The following DOT1L variants were observed in gnomAD, a reference collection of about 807,000 sequenced individuals.
DOT1L encodes the protein DOT1 like histone lysine methyltransferase.
In DOT1L, 33 loss-of-function variants were observed where a neutral mutation model predicts 153.3. The ratio of observed to expected loss-of-function variants is 0.22; its 90% CI spans 0.16 to 0.29. The LOEUF (loss-of-function observed/expected upper bound fraction) is 0.29, where lower values mean the gene tolerates loss of function less well. Among genes scored for constraint, DOT1L ranks in the 10% least tolerant of loss-of-function variants. DOT1L has a pLI of 1.00. For synonymous variants in DOT1L, 1,135 were observed against 965.1 expected, an observed-to-expected ratio of 1.18 and a Z score of -3.26; for missense variants, 1,847 against 2,119.9, an observed-to-expected ratio of 0.87 and a Z score of 2.53.
In DOT1L at chr19:2,222,595, C is replaced by A; in HGVS notation, c.3390+36C>A. 6.7e-7 allele frequency: 1 copy of A among 1,499,344 alleles called. No individual in the cohort carries two copies. The highest frequency in any genetic ancestry group is 8.9e-7 in the Non-Finnish European group (1 of 1,128,914). 92.9% of individuals were successfully genotyped at this position (1,499,344 alleles called of 1,614,324 possible). ...GGACCGGCAGGGCTGGGGAGCGCGG[C>A]CTGTGAAAGAAAGACCAGAGGGAGA... On this transcript the variant is annotated intron_variant, in intron 24 of 27. Coordinates refer to ENST00000398665, the MANE Select transcript of DOT1L (RefSeq NM_032482.3). This position sits in a 1 kb window ranked among gnomAD's most constrained non-coding sequence, Gnocchi z 6.5.
At position 2,217,532 on chromosome 19, in the gene DOT1L, G is replaced by A. The variant is rs944210090; in HGVS notation, c.2545-240G>A. 2.6e-5 allele frequency among the ~76,000 whole-genome samples: 4 copies of A among 152,186 alleles called. No homozygotes were observed. Among genetic ancestry groups the A allele is most frequent in the African/African-American group, 9.7e-5 (4 of 41,448 alleles). On this transcript the variant is annotated intron_variant, in intron 21 of 27. Coordinates refer to ENST00000398665, the MANE Select transcript of DOT1L (RefSeq NM_032482.3). The surrounding 1 kb of genome is among the most constrained non-coding windows in gnomAD (Gnocchi z 7.3). ...CACGGGTGACTGCCCACCGAGCCGG[G>A]CGGGCAGGCTGGAGGGGACAGATGG...
intron 1 of DOT1L, among the ~76,000 whole-genome samples, chr19:2,174,699 A>G (rs1555715307): frequency 6.6e-6 from 1 of 151,608 alleles, no homozygotes; most frequent in Non-Finnish European, 1.5e-5. Flanking sequence ...AGCTCACTGC[A>G]GCCTTGAACT....
rs1345899883 is a variant in DOT1L, at chr19:2,197,978, C to T, written c.652-1906C>T. Among the ~76,000 whole-genome samples the T allele has an allele frequency of 2.6e-5, 4 of 152,350 alleles. No homozygotes were observed. The South Asian group carries it at 6.2e-4, about 24-fold the overall frequency. On this transcript the variant is annotated intron_variant, in intron 7 of 27. Transcript: ENST00000398665. This position sits in a 1 kb window ranked among gnomAD's most constrained non-coding sequence, Gnocchi z 4.1. ...CTCCACTTGGGAGGCTCCAAGTCCT[C>T]CCGCCTGAGCAGTGTCACCAGGGAG...
Position 2,210,615 on chromosome 19 carries a change from C to T in DOT1L, c.1117-6C>T, listed in dbSNP as rs1422951513. On this transcript the variant is annotated splice_region_variant and splice_polypyrimidine_tract_variant and intron_variant, in intron 13 of 27. Transcript: ENST00000398665. ...CCCATCCCTGTTCTTCCCTTGTGTCCTCCAGGACTCTGGTGCTGAGGAAGA... is the reference window on the plus strand; with the variant it reads ...CCCATCCCTGTTCTTCCCTTGTGTCTTCCAGGACTCTGGTGCTGAGGAAGA... 2.5e-6 allele frequency: 4 copies of T among 1,611,786 alleles called. No individual in the cohort carries two copies. The African/African-American group carries it at 4.0e-5, about 16-fold the overall frequency.
rs74384750 is a variant in DOT1L at position 2,190,098 on chromosome 19, C to G, written c.264+303C>G. Among the ~76,000 whole-genome samples, 3,303 of 152,276 alleles carry G rather than the reference C, an allele frequency of 0.022. 116 individuals carry two copies. Among genetic ancestry groups the G allele is most frequent in the African/African-American group, 0.075 (3,116 of 41,526 alleles). ...CTGGGTTGGTGTCCGCAGGTCCCAG[C>G]AGAGGCGGGGTCCCTGTCCTCCCCG... On this transcript the variant is annotated intron_variant, in intron 4 of 27. Transcript: ENST00000398665. The surrounding 1 kb of genome is among the most constrained non-coding windows in gnomAD (Gnocchi z 4.8).
Position 2,230,807 on chromosome 19 carries a change from A to G in DOT1L, c.*1015A>G, listed in dbSNP as rs542671658. 85 of 380,640 alleles carry G rather than the reference A, an allele frequency of 2.2e-4. No homozygotes were observed. The highest frequency in any genetic ancestry group is 1.6e-3 in the African/African-American group (78 of 48,462). The allele number at this position is 380,640 out of a possible 1,614,324, so 23.6% of individuals were successfully genotyped here. On this transcript the variant is annotated 3_prime_UTR_variant, in exon 28 of 28. Transcript: ENST00000398665. Reference sequence around the variant, plus strand: ...TGGCCCCAGCGTCAGCCCCGACCCTAGACCCCTCAGTTGCAGCTCCCAGCA... The same window carrying G: ...TGGCCCCAGCGTCAGCCCCGACCCTGGACCCCTCAGTTGCAGCTCCCAGCA...
intron 6 of DOT1L, 142 bp from the exon 7 acceptor site, chr19:2,194,373 G>A (rs1321894466): frequency 6.5e-5 from 54 of 826,630 alleles, no homozygotes; most frequent in Non-Finnish European, 8.2e-5. Flanking sequence ...GGGTTTCACC[G>A]TGTTAGCCAG....
chr19:2,229,618 CCGT>C (rs1180719874), intron 27 of DOT1L, 164 bp from the exon 28 acceptor site: 38 of 985,320 alleles, frequency 3.9e-5, no homozygotes, highest in Admixed American at 2.5e-4. Context: ...CGGGGCACGC[CCGT>C]CGTCTGTTGT....
At chr19:2,209,552 C>T (rs1307664268) in intron 12 of DOT1L, among the ~76,000 whole-genome samples, 1 of 152,178 alleles carries the variant, frequency 6.6e-6, no homozygotes. Flanking sequence ...GCACGCGCTG[C>T]ACCGTCGGAG....
At chr19:2,218,645 G>A (rs1026570823) in intron 22 of DOT1L, among the ~76,000 whole-genome samples, 27 of 151,826 alleles carry the variant, frequency 1.8e-4, no homozygotes, top group South Asian at 1.5e-3. Context: ...CGCCCGCCTG[G>A]GCCTCCCAAA....
chr19:2,227,400 C>T (rs1183674722), intron 27 of DOT1L: 25 of 684,644 alleles, frequency 3.7e-5, no homozygotes, highest in Non-Finnish European at 6.5e-5. Context: ...GCATTACTTT[C>T]TCCCGTGGAG....
rs980527010 is a variant in DOT1L, at chr19:2,193,050, T to G, written c.494-639T>G. Among the ~76,000 whole-genome samples, 1 of 152,178 alleles carries G rather than the reference T, an allele frequency of 6.6e-6. No homozygotes were observed. Among genetic ancestry groups the G allele is most frequent in the African/African-American group, 2.4e-5 (1 of 41,428 alleles). Reference sequence around the variant, plus strand: ...TGCCTAGCAGGGGAGGAGAGGTGGCTTGACACCCCCGGTGTGCGCCGCTGC... The same window carrying G: ...TGCCTAGCAGGGGAGGAGAGGTGGCGTGACACCCCCGGTGTGCGCCGCTGC... On this transcript the variant is annotated intron_variant, in intron 5 of 27. Coordinates refer to ENST00000398665, the MANE Select transcript of DOT1L (RefSeq NM_032482.3). This position sits in a 1 kb window ranked among gnomAD's most constrained non-coding sequence, Gnocchi z 5.9.
In DOT1L at chr19:2,211,742, T is replaced by G. The variant is rs1245962064; in HGVS notation, c.1466-9T>G. The G allele has an allele frequency of 6.4e-7, 1 of 1,557,542 alleles. No individual in the cohort carries two copies. ...TCTCTTCTCACCTGTGTTCCGCCTC[T>G]CTTCCCAGAGTCCTTCAAGATCCAG... On this transcript the variant is annotated splice_polypyrimidine_tract_variant and intron_variant, in intron 15 of 27. Coordinates refer to ENST00000398665, the MANE Select transcript of DOT1L (RefSeq NM_032482.3).
chr19:2,183,713 G>A (rs1053744684), intron 2 of DOT1L, among the ~76,000 whole-genome samples: 1 of 150,780 alleles, frequency 6.6e-6, no homozygotes, highest in African/African-American at 2.4e-5. Flanking sequence ...TGCAGCCTCC[G>A]TCTCCGGGGT....
At chr19:2,172,810 C>T (rs545287865) in intron 1 of DOT1L, among the ~76,000 whole-genome samples, 1 of 151,746 alleles carries the variant, frequency 6.6e-6, no homozygotes, top group East Asian at 1.9e-4. Context: ...CAATATTTTT[C>T]CTCTTTTTTT....
rs777184095 is a variant in DOT1L at position 2,222,384 on chromosome 19, G to T, written c.3215G>T (p.Arg1072Leu). Residue 1072 changes from arginine (R) to leucine (L), a missense_variant, in exon 24 of 28, where the codon CGT (arginine) becomes CTT (leucine). Physicochemically the swap from Arg to Leu is moderately radical, Grantham distance 102. Transcript: ENST00000398665. This position sits in a 1 kb window ranked among gnomAD's most constrained non-coding sequence, Gnocchi z 6.5. The stretch of plus-strand genomic sequence containing the variant: ...CACAGCCCCCTGACCGCCAGCGCCC[G>T]TGGGGACTGTGTGCCGAGCCACGGG... ...SKHSPLTASA[R>L]GDCVPSHGQD... The T allele has an allele frequency of 1.9e-6, 3 of 1,611,036 alleles. No individual in the cohort carries two copies. Among genetic ancestry groups the T allele is most frequent in the Non-Finnish European group, 2.5e-6 (3 of 1,179,202 alleles).
intron 2 of DOT1L, among the ~76,000 whole-genome samples, chr19:2,181,212 C>T (rs949338982): frequency 6.6e-6 from 1 of 152,222 alleles, no homozygotes; most frequent in Admixed American, 6.5e-5. Context: ...CAGGGAGGCC[C>T]TCTGGGTGCC....
chr19:2,227,831 G>C (rs924791581), intron 27 of DOT1L: 1 of 1,293,908 alleles, frequency 7.7e-7, no homozygotes, highest in African/African-American at 1.5e-5. Flanking sequence ...CACTGGGCCC[G>C]AGCCCGCTGC....
chr19:2,195,548 A>T (rs2022979986), intron 7 of DOT1L, among the ~76,000 whole-genome samples: 2 of 152,110 alleles, frequency 1.3e-5, no homozygotes, highest in African/African-American at 4.8e-5. Flanking sequence ...GACTGCAGGA[A>T]GGTGGATGCT....
Sources: allele counts gnomAD v4.1 joint callset (sites outside exome capture counted in the v4.1 genomes callset), GRCh38; gene constraint gnomAD v4.1.1; non-coding constraint Gnocchi (gnomAD v3.1); transcripts MANE v1.5; gene names NCBI Gene and HGNC (gene_info 2026-07-23, HGNC 2026-07-21).